ULK1: variants seen among roughly 807,000 people sequenced by gnomAD.
ULK1 encodes serine/threonine-protein kinase ULK1.
A neutral mutation model predicts 117.5 loss-of-function variants in ULK1; 48 were observed. That is an observed-to-expected ratio of 0.41 (90% CI 0.32 to 0.52). ULK1 has a LOEUF of 0.52. ULK1 is among the 20% of genes least tolerant of loss of function. ULK1 has a pLI of 0.29. For missense variants in ULK1, 1,387 were observed against 1,473.4 expected (o/e 0.94, Z 0.96); for synonymous variants, 790 against 637.8 (o/e 1.24, Z -3.60).
chr12:131,912,226 G>A (rs1285615834), intron 13 of ULK1, 137 bp downstream of exon 13: 5 of 1,346,870 alleles, frequency 3.7e-6, no homozygotes, highest in African/African-American at 1.5e-5. Context: ...CACCGGCATC[G>A]GCCCAGCTTG....
At chr12:131,907,380 G>T (rs1889317679) in intron 4 of ULK1, 115 bp from the exon 5 acceptor site, 2 of 1,361,264 alleles carry the variant, frequency 1.5e-6, no homozygotes, top group Non-Finnish European at 1.0e-6. Flanking sequence ...GGGCTGGGCA[G>T]GTGCCTGCGG....
intron 3 of ULK1, chr12:131,896,380 T>C (rs1411814103): frequency 6.3e-6 from 1 of 158,266 alleles, no homozygotes; most frequent in African/African-American, 2.4e-5. Context: ...CTGGCTTTCG[T>C]GCTGCCTCCG....
chr12:131,913,445 C>T (rs1306651488), intron 14 of ULK1, among the ~76,000 whole-genome samples, 187 bp downstream of exon 14: 3 of 151,560 alleles, frequency 2.0e-5, no homozygotes, highest in Non-Finnish European at 4.4e-5. Context: ...CCTGTAATCC[C>T]AGCACTTTGG....
chr12:131,915,250 G>A lies in ULK1; in HGVS notation c.1522+19G>A, dbSNP rs1258142420. Reference sequence around the variant, plus strand: ...CCTCAAGGTGCGCCTGCAGGCTGGGGCCTGGGAAGGGGCGTCTGTAGGCAG... The same window carrying A: ...CCTCAAGGTGCGCCTGCAGGCTGGGACCTGGGAAGGGGCGTCTGTAGGCAG... On this transcript the variant is annotated intron_variant, in intron 17 of 27. Coordinates refer to ENST00000321867, the MANE Select transcript of ULK1 (RefSeq NM_003565.4). The A allele has an allele frequency of 1.9e-6, 3 of 1,605,094 alleles. No individual in the cohort carries two copies. The highest frequency in any genetic ancestry group is 1.3e-5 in the African/African-American group (1 of 74,846).
At chr12:131,910,198 G>A in intron 10 of ULK1, 56 bp from the exon 11 acceptor site, 1 of 1,608,212 alleles carries the variant, frequency 6.2e-7, no homozygotes. Flanking sequence ...GGGAGGCAGG[G>A]GCCTGGGGTC....
Position 131,916,130 on chromosome 12 carries a change from C to T in ULK1, c.1849C>T (p.Leu617=), listed in dbSNP as rs1889771896. 1.2e-6 allele frequency: 2 copies of T among 1,612,490 alleles called. No individual in the cohort carries two copies. Among genetic ancestry groups the T allele is most frequent in the Non-Finnish European group, 1.7e-6 (2 of 1,179,828 alleles). The change falls in exon 19 of 28, where the codon CTG becomes TTG. Residue 617 remains leucine, a synonymous_variant. Coordinates refer to ENST00000321867, the MANE Select transcript of ULK1 (RefSeq NM_003565.4). ...KLPDFLQRNP[L]PPILGSPTKA... ...GCCCGACTTCCTGCAGCGAAACCCCCTGCCCCCCATCCTGGGCTCCCCCAC... is the reference window on the plus strand; with the variant it reads ...GCCCGACTTCCTGCAGCGAAACCCCTTGCCCCCCATCCTGGGCTCCCCCAC...
At chr12:131,912,198 G>A (rs1025870451) in intron 13 of ULK1, 109 bp downstream of exon 13, 1 of 1,453,086 alleles carries the variant, frequency 6.9e-7, no homozygotes, top group Non-Finnish European at 9.1e-7. Context: ...TGGGCAGTTA[G>A]GATGGGCCCC....
Position 131,917,518 on chromosome 12 carries a change from A to C in ULK1, c.2290A>C (p.Thr764Pro), listed in dbSNP as rs1889912918. 1 of 1,460,138 alleles carries C rather than the reference A, an allele frequency of 6.8e-7. No individual in the cohort carries two copies. Among genetic ancestry groups the C allele is most frequent in the Non-Finnish European group, 9.1e-7 (1 of 1,103,042 alleles). The allele number at this position is 1,460,138 out of a possible 1,614,324, so 90.4% of individuals were successfully genotyped here. A position where few individuals can be genotyped will look rare whatever the true frequency, so the allele number is the denominator to read the frequency against. The change falls in exon 22 of 28, where the codon ACG (threonine) becomes CCG (proline). Residue 764 changes from threonine to proline, a missense_variant. Coordinates refer to ENST00000321867, the MANE Select transcript of ULK1 (RefSeq NM_003565.4). The stretch of plus-strand genomic sequence containing the variant: ...CGTGGGCTCTCCCCCGAGCGGGAGC[A>C]CGCCCCCCCAGGGCCCCCGCACCAG... ...FTVGSPPSGSTPPQGPRTRMF... is the reference protein window; with the variant it reads ...FTVGSPPSGSPPPQGPRTRMF...
intron 2 of ULK1, 27 bp downstream of exon 2, chr12:131,895,720 T>G (rs1205599820): frequency 6.2e-7 from 1 of 1,611,828 alleles, no homozygotes; most frequent in African/African-American, 1.3e-5. Flanking sequence ...GGAGGGGGCG[T>G]GGGCGTGGGC....
At chr12:131,913,353 C>A in intron 14 of ULK1, 95 bp downstream of exon 14, 1 of 1,277,716 alleles carries the variant, frequency 7.8e-7, no homozygotes, top group Non-Finnish European at 1.0e-6. Context: ...GATCGCGCCA[C>A]TGCACTCCAG....
At position 131,903,692 on chromosome 12, in the gene ULK1, A is replaced by G. The variant is rs1167440046; in HGVS notation, c.247-3200A>G. Among the ~76,000 whole-genome samples the G allele has an allele frequency of 6.6e-6, 1 of 151,960 alleles. No homozygotes were observed. Among genetic ancestry groups the G allele is most frequent in the Non-Finnish European group, 1.5e-5 (1 of 67,966 alleles). On this transcript the variant is annotated intron_variant, in intron 3 of 27. Coordinates refer to ENST00000321867, the MANE Select transcript of ULK1 (RefSeq NM_003565.4). The surrounding 1 kb of genome is among the most constrained non-coding windows in gnomAD (Gnocchi z 6.0). ...GCCCCACCCCCAGTGGCCTTGAGTC[A>G]CCTGCTGGAGAGGACCTTTTAGGAG...
Position 131,903,281 on chromosome 12 carries a change from C to G in ULK1, c.247-3611C>G, listed in dbSNP as rs1254496777. Among the ~76,000 whole-genome samples the G allele has an allele frequency of 6.6e-6, 1 of 152,190 alleles. No individual in the cohort carries two copies. The highest frequency in any genetic ancestry group is 1.5e-5 in the Non-Finnish European group (1 of 68,030). On this transcript the variant is annotated intron_variant, in intron 3 of 27. Coordinates refer to ENST00000321867, the MANE Select transcript of ULK1 (RefSeq NM_003565.4). This position sits in a 1 kb window ranked among gnomAD's most constrained non-coding sequence, Gnocchi z 6.0. Reference sequence around the variant, plus strand: ...CTGACTCTGCCAGGGTTGGAGACAGCAAGGCTAGGTCCTTCCGGGGACACA... The same window carrying G: ...CTGACTCTGCCAGGGTTGGAGACAGGAAGGCTAGGTCCTTCCGGGGACACA...
rs139757679 is a variant in ULK1, at chr12:131,910,468, G to A, written c.859+164G>A. ...CGGCTCCTTGCTCTGCTGCAGCGGGGACCCCAAGGCCAGGGGTTCGCATGG... is the reference window on the plus strand; with the variant it reads ...CGGCTCCTTGCTCTGCTGCAGCGGGAACCCCAAGGCCAGGGGTTCGCATGG... On this transcript the variant is annotated intron_variant, in intron 11 of 27. Transcript: ENST00000321867. Among the ~76,000 whole-genome samples the A allele has an allele frequency of 6.1e-3, 926 of 152,284 alleles. 8 individuals carry two copies. The highest frequency in any genetic ancestry group is 9.5e-3 in the Non-Finnish European group (645 of 68,018).
chr12:131,906,621 AG>A (rs1889287356), intron 3 of ULK1: 1 of 528,142 alleles, frequency 1.9e-6, no homozygotes, highest in Non-Finnish European at 3.4e-6. Flanking sequence ...CCTTCCTGCT[AG>A]GGGGTATGTC....
Position 131,921,955 on chromosome 12 carries a change from GC to G in ULK1, c.*597del, listed in dbSNP as rs780264949. 2.8e-5 allele frequency: 13 copies of G among 456,190 alleles called. 1 individual carries two copies. The highest frequency in any genetic ancestry group is 4.8e-5 in the Non-Finnish European group (11 of 226,822). 28.3% of individuals were successfully genotyped at this position (456,190 alleles called of 1,614,324 possible). On this transcript the variant is annotated 3_prime_UTR_variant, in exon 28 of 28. Coordinates refer to ENST00000321867, the MANE Select transcript of ULK1 (RefSeq NM_003565.4). ...GCAGACACATGCCAGGGCCCCCCAA[GC>G]CCGAGCACCGGACCACGTTGCTGCC...
In ULK1 at chr12:131,917,436, C is replaced by T. The variant is rs749080048; in HGVS notation, c.2208C>T (p.Ser736=). Residue 736 remains serine (S), a synonymous_variant, in exon 22 of 28, where the codon AGC becomes AGT. Coordinates refer to ENST00000321867, the MANE Select transcript of ULK1 (RefSeq NM_003565.4). ...EIAPSAGFGG[S]LHPGARAGGT... ...CACCCTCAGCTGGCTTTGGAGGGAGCCTGCACCCAGGAGCCCGTGCTGGGG... is the reference window on the plus strand; with the variant it reads ...CACCCTCAGCTGGCTTTGGAGGGAGTCTGCACCCAGGAGCCCGTGCTGGGG... 1 of 1,541,646 alleles carries T rather than the reference C, an allele frequency of 6.5e-7. No individual in the cohort carries two copies. Among genetic ancestry groups the T allele is most frequent in the Non-Finnish European group, 8.7e-7 (1 of 1,144,846 alleles).
At chr12:131,918,984 T>TA in intron 23 of ULK1, among the ~76,000 whole-genome samples, 1 of 91,944 alleles carries the variant, frequency 1.1e-5, no homozygotes, top group East Asian at 3.8e-4. Context: ...GTGTGGGGTG[T>TA]CGGGTGTGTG....
At position 131,913,789 on chromosome 12, in the gene ULK1, GACCCCATCT is replaced by G; in HGVS notation, c.1201_1209del (p.Thr401_Ser403del). 1.3e-6 allele frequency: 2 copies of G among 1,578,428 alleles called. No homozygotes were observed. The highest frequency in any genetic ancestry group is 1.7e-6 in the Non-Finnish European group (2 of 1,162,228). ...CTGCGGGCTTGGAGAGCCACGGCCG[GACCCCATCT>G]CCATCCCCACCCTGCAGCAGCTCCC... On this transcript the variant is annotated inframe_deletion, in exon 15 of 28. Coordinates refer to ENST00000321867, the MANE Select transcript of ULK1 (RefSeq NM_003565.4).
At chr12:131,915,281 G>T in intron 17 of ULK1, 50 bp downstream of exon 17, 1 of 1,609,740 alleles carries the variant, frequency 6.2e-7, no homozygotes, top group Non-Finnish European at 8.5e-7. Flanking sequence ...GGCAGTGGGT[G>T]AGGAGGCTGT....
Sources: allele counts gnomAD v4.1 joint callset (sites outside exome capture counted in the v4.1 genomes callset), GRCh38; gene constraint gnomAD v4.1.1; non-coding constraint Gnocchi (gnomAD v3.1); transcripts MANE v1.5; gene names NCBI Gene and HGNC (gene_info 2026-07-23, HGNC 2026-07-21).